Variants in SMPD4 observed in about 807,000 individuals in gnomAD.
SMPD4 encodes neutral sphingomyelinase 3.
SMPD4 carries 58 observed loss-of-function variants against 97.8 expected under a neutral mutation model. The observed-to-expected ratio is 0.59, with a 90% CI of 0.48 to 0.74. SMPD4 has a LOEUF of 0.74. SMPD4 is among the 30% of genes least tolerant of loss of function. The pLI, the probability that SMPD4 is intolerant of heterozygous loss-of-function variation, is 0.00. For synonymous variants in SMPD4, 388 were observed against 450.0 expected, an observed-to-expected ratio of 0.86 and a Z score of 1.74; for missense variants, 853 against 1,080.5, an observed-to-expected ratio of 0.79 and a Z score of 2.95.
intron 1 of SMPD4, among the ~76,000 whole-genome samples, chr2:130,181,081 C>T (rs1374879136): frequency 6.6e-6 from 1 of 152,182 alleles, no homozygotes; most frequent in African/African-American, 2.4e-5. Context: ...CTTAACAGCA[C>T]GCGCCCACTT....
chr2:130,153,488 T>C (rs1461765219), intron 17 of SMPD4, 38 bp from the exon 18 acceptor site: 4 of 1,610,850 alleles, frequency 2.5e-6, no homozygotes, highest in Non-Finnish European at 3.4e-6. Context: ...AGCATCAAGA[T>C]GAAGAGAGGG....
At position 130,161,259 on chromosome 2, in the gene SMPD4, T is replaced by C. The variant is rs1227515984; in HGVS notation, c.878A>G (p.His293Arg). The C allele has an allele frequency of 1.9e-6, 3 of 1,610,042 alleles. No individual in the cohort carries two copies. Among genetic ancestry groups the C allele is most frequent in the Non-Finnish European group, 2.5e-6 (3 of 1,176,830 alleles). The change falls in exon 11 of 20, where the codon CAC becomes CGC. Residue 293 changes from histidine to arginine, a missense_variant. Coordinates refer to ENST00000680298, the MANE Select transcript of SMPD4 (RefSeq NM_017951.5). ...QSPHAKLEVLHYRLSVSSALY... is the reference protein window; with the variant it reads ...QSPHAKLEVLRYRLSVSSALY... ...GGCGCTGGAGACACTGAGTCGGTAG[T>C]GCAGAACCTCCAGCTGAGATAAGAA...
chr2:130,164,803 T>C (rs576963044), intron 9 of SMPD4, among the ~76,000 whole-genome samples: 4 of 152,100 alleles, frequency 2.6e-5, no homozygotes, highest in East Asian at 1.9e-4. Flanking sequence ...AAAAATACTA[T>C]AGATAGAGTA....
At chr2:130,181,458 T>C in intron 1 of SMPD4, 72 bp downstream of exon 1, 1 of 1,537,674 alleles carries the variant, frequency 6.5e-7, no homozygotes, top group South Asian at 1.2e-5. Context: ...GGAACGGAGA[T>C]GGCCTCCGCA....
At chr2:130,157,476 C>T (rs1222636594) in intron 11 of SMPD4, 80 bp from the exon 12 acceptor site, 22 of 1,575,916 alleles carry the variant, frequency 1.4e-5, no homozygotes, top group Non-Finnish European at 1.7e-5. Context: ...GACCACATCC[C>T]GCCCTGAGCC....
At position 130,172,786 on chromosome 2, in the gene SMPD4, C is replaced by T. The variant is rs371233733; in HGVS notation, c.454+1G>A. 1.2e-6 allele frequency: 2 copies of T among 1,614,202 alleles called. No homozygotes were observed. Among genetic ancestry groups the T allele is most frequent in the Admixed American group, 1.7e-5 (1 of 60,024 alleles). ...CCTACCTCAGGGCCACCAAAGGATA[C>T]TCAGGGCCAAGTTCAGACCAAGGCC... On this transcript the variant is annotated splice_donor_variant, in intron 6 of 19. Transcript: ENST00000680298. LOFTEE classifies it high-confidence loss of function.
chr2:130,153,969 A>G, intron 16 of SMPD4, 34 bp from the exon 17 acceptor site: 1 of 1,595,784 alleles, frequency 6.3e-7, no homozygotes, highest in South Asian at 1.1e-5. Flanking sequence ...CACCAGCAGG[A>G]CAGGCCTGTG....
chr2:130,162,272 G>A (rs984778354), intron 10 of SMPD4, among the ~76,000 whole-genome samples: 7 of 152,220 alleles, frequency 4.6e-5, no homozygotes, highest in South Asian at 2.1e-4. Context: ...ACGGCCTGCC[G>A]AAGCACCCCT....
chr2:130,159,040 C>T (rs904458054), intron 11 of SMPD4, among the ~76,000 whole-genome samples: 5 of 152,056 alleles, frequency 3.3e-5, no homozygotes, highest in African/African-American at 1.2e-4. Flanking sequence ...CACTCTGTCA[C>T]CCGCGCTGTA....
At chr2:130,156,530 C>T (rs1686817053) in intron 13 of SMPD4, 55 bp downstream of exon 13, 2 of 1,552,964 alleles carry the variant, frequency 1.3e-6, no homozygotes, top group African/African-American at 2.7e-5. Context: ...AAAGGACCTC[C>T]CACCTCAAGG....
chr2:130,178,168 C>T (rs1689153468), intron 1 of SMPD4, among the ~76,000 whole-genome samples: 2 of 98,382 alleles, frequency 2.0e-5, no homozygotes, highest in African/African-American at 3.6e-5. Flanking sequence ...AATGCCTGGA[C>T]TTCTGCATAC....
chr2:130,154,041 G>C, intron 16 of SMPD4, 106 bp from the exon 17 acceptor site: 1 of 1,196,176 alleles, frequency 8.4e-7, no homozygotes, highest in Non-Finnish European at 1.2e-6. Context: ...AGGAGGAGTG[G>C]CTTCTGCCAG....
At chr2:130,172,191 C>T (rs1293301568) in intron 8 of SMPD4, among the ~76,000 whole-genome samples, 158 bp downstream of exon 8, 1 of 152,224 alleles carries the variant, frequency 6.6e-6, no homozygotes, top group East Asian at 1.9e-4. Context: ...CATACCCCAC[C>T]CTCCAGTCTG....
chr2:130,155,140 G>C lies in SMPD4; in HGVS notation c.1409C>G (p.Ala470Gly). Reference sequence around the variant, plus strand: ...CAGGTTGGGCTGGGCAAAGACTTTGGCCACTCGGAACACCATGAGCGCGTG... The same window carrying C: ...CAGGTTGGGCTGGGCAAAGACTTTGCCCACTCGGAACACCATGAGCGCGTG... ...PKHALMVFRV[A>G]KVFAQPNLAE... The change falls in exon 15 of 20, where the codon GCC becomes GGC. Residue 470 changes from alanine (A) to glycine (G), a missense_variant. Physicochemically the swap from Ala to Gly is moderately conservative, Grantham distance 60 (BLOSUM62 0). Transcript: ENST00000680298. 6.2e-7 allele frequency: 1 copy of C among 1,614,192 alleles called. No individual in the cohort carries two copies. The highest frequency in any genetic ancestry group is 8.5e-7 in the Non-Finnish European group (1 of 1,180,032).
intron 11 of SMPD4, chr2:130,158,334 T>A (rs571146300): frequency 1.1e-6 from 1 of 931,088 alleles, no homozygotes; most frequent in Non-Finnish European, 1.4e-6. Context: ...TTTTTTTTTC[T>A]TGAGACAACG....
At chr2:130,156,418 C>T (rs193176268) in intron 13 of SMPD4, 167 bp downstream of exon 13, 4 of 764,726 alleles carry the variant, frequency 5.2e-6, no homozygotes, top group East Asian at 2.7e-5. Flanking sequence ...TTCCTGAGGG[C>T]TGGCTTTGGA....
At chr2:130,158,300 T>G in intron 11 of SMPD4, 34 of 1,240,960 alleles carry the variant, frequency 2.7e-5, no homozygotes, top group Non-Finnish European at 3.4e-5. Flanking sequence ...AAAAGCACAG[T>G]CAAGCATATT....
At chr2:130,168,189 A>G (rs1688106866) in intron 8 of SMPD4, among the ~76,000 whole-genome samples, 2 of 152,318 alleles carry the variant, frequency 1.3e-5, no homozygotes, top group East Asian at 3.9e-4. Context: ...CTGGGGTGAC[A>G]GAGCAAGACC....
intron 19 of SMPD4, 24 bp from the exon 20 acceptor site, chr2:130,152,908 G>T (rs1444409167): frequency 1.3e-6 from 2 of 1,566,946 alleles, no homozygotes; most frequent in Non-Finnish European, 1.7e-6. Context: ...AGAGGCACGG[G>T]GATGTGGGGT....
Sources: allele counts gnomAD v4.1 joint callset (sites outside exome capture counted in the v4.1 genomes callset), GRCh38; gene constraint gnomAD v4.1.1; transcripts MANE v1.5; gene names NCBI Gene and HGNC (gene_info 2026-07-23, HGNC 2026-07-21).